STXBP5L: variants seen among roughly 807,000 people sequenced by gnomAD.
The protein encoded by STXBP5L is syntaxin binding protein 5L.
Under a neutral mutation model 144.5 loss-of-function variants are expected in STXBP5L, and 65 were observed. The ratio of observed to expected loss-of-function variants is 0.45; its 90% CI spans 0.37 to 0.55. The LOEUF (loss-of-function observed/expected upper bound fraction) is 0.55, where lower values mean the gene tolerates loss of function less well. STXBP5L is among the 20% of genes least tolerant of loss of function. The pLI, the probability that STXBP5L is intolerant of heterozygous loss-of-function variation, is 0.00. For missense variants in STXBP5L, 1,298 were observed against 1,405.5 expected, an observed-to-expected ratio of 0.92 and a Z score of 1.22; for synonymous variants, 505 against 469.6, an observed-to-expected ratio of 1.08 and a Z score of -0.97.
intron 13 of STXBP5L, 70 bp from the exon 14 acceptor site, chr3:121,240,370 A>G: frequency 7.2e-7 from 1 of 1,380,930 alleles, no homozygotes; most frequent in Non-Finnish European, 1.0e-6. Context: ...CATTATTTTA[A>G]GCTATTTTCA....
intron 5 of STXBP5L, among the ~76,000 whole-genome samples, chr3:121,090,893 G>C (rs1170030550): frequency 6.6e-6 from 1 of 151,062 alleles, no homozygotes. Flanking sequence ...GTGTCATCTA[G>C]CATTAGGTAT....
At chr3:121,091,772 T>G (rs1036945844) in intron 5 of STXBP5L, among the ~76,000 whole-genome samples, 11 of 152,206 alleles carry the variant, frequency 7.2e-5, no homozygotes, top group Non-Finnish European at 1.3e-4. Context: ...AGAAGCTCTT[T>G]AGTTTAATTA....
At chr3:121,125,520 C>T (rs945214138) in intron 7 of STXBP5L, among the ~76,000 whole-genome samples, 1 of 151,914 alleles carries the variant, frequency 6.6e-6, no homozygotes, top group African/African-American at 2.4e-5. Flanking sequence ...GGCCATCTTT[C>T]CCCCAATATA....
At chr3:121,199,685 T>G (rs1191293) in intron 9 of STXBP5L, among the ~76,000 whole-genome samples, 104,602 of 152,136 alleles carry the variant, frequency 0.69, 36,338 homozygotes, top group East Asian at 0.87. Flanking sequence ...AGAGTTTTTA[T>G]CATGAAAGGA....
At chr3:121,072,997 G>A (rs2041869909) in intron 5 of STXBP5L, among the ~76,000 whole-genome samples, 1 of 152,184 alleles carries the variant, frequency 6.6e-6, no homozygotes, top group South Asian at 2.1e-4. Context: ...AGCTCTTTGG[G>A]CCAAAGTTCC....
At chr3:121,086,775 T>A (rs2042515819) in intron 5 of STXBP5L, among the ~76,000 whole-genome samples, 1 of 152,090 alleles carries the variant, frequency 6.6e-6, no homozygotes, top group Non-Finnish European at 1.5e-5. Context: ...ACTCTGGATT[T>A]TGGGTTTTGG....
intron 19 of STXBP5L, among the ~76,000 whole-genome samples, chr3:121,299,729 G>A (rs2051810252): frequency 6.6e-6 from 1 of 152,028 alleles, no homozygotes. Flanking sequence ...GTTCATGCCT[G>A]TAATCCCAGC....
At chr3:121,071,474 T>C (rs1048822676) in intron 5 of STXBP5L, among the ~76,000 whole-genome samples, 2 of 152,216 alleles carry the variant, frequency 1.3e-5, no homozygotes, top group Non-Finnish European at 2.9e-5. Flanking sequence ...TTGGTTTCAC[T>C]GCAGGATCAG....
chr3:121,051,869 G>T (rs894428225), intron 5 of STXBP5L, among the ~76,000 whole-genome samples: 1 of 151,626 alleles, frequency 6.6e-6, no homozygotes, highest in Non-Finnish European at 1.5e-5. Context: ...AAAGAGAGAA[G>T]AATCAAATAG....
At chr3:121,353,931 C>A (rs1029955643) in intron 20 of STXBP5L, among the ~76,000 whole-genome samples, 1 of 152,124 alleles carries the variant, frequency 6.6e-6, no homozygotes, top group Admixed American at 6.6e-5. Flanking sequence ...GCCTTCAATT[C>A]GTTATTTACC....
intron 2 of STXBP5L, among the ~76,000 whole-genome samples, chr3:120,921,369 G>T (rs1467907997): frequency 6.6e-6 from 1 of 151,768 alleles, no homozygotes; most frequent in East Asian, 1.9e-4. Flanking sequence ...ATATATTCTG[G>T]TTCTTCACCC....
At position 120,988,567 on chromosome 3, in the gene STXBP5L, A is replaced by G. The variant is rs558391126; in HGVS notation, c.287+33530A>G. Among the ~76,000 whole-genome samples, 7 of 152,204 alleles carry G rather than the reference A, an allele frequency of 4.6e-5. No homozygotes were observed. The South Asian group carries it at 6.2e-4, about 14-fold the overall frequency. ...AATACTCTGTGAACTCTGGAGAAACATGTATGTTGTTCTTTTGTTGGATGA... is the reference window on the plus strand; with the variant it reads ...AATACTCTGTGAACTCTGGAGAAACGTGTATGTTGTTCTTTTGTTGGATGA... On this transcript the variant is annotated intron_variant, in intron 3 of 26. Coordinates refer to ENST00000471454, the MANE Select transcript of STXBP5L (RefSeq NM_001308330.2).
chr3:121,306,279 C>A (rs909721652), intron 19 of STXBP5L, among the ~76,000 whole-genome samples: 1 of 152,122 alleles, frequency 6.6e-6, no homozygotes, highest in African/African-American at 2.4e-5. Context: ...TTTCTCATCC[C>A]CTCCAACTCC....
chr3:121,081,439 G>A (rs868568169), intron 5 of STXBP5L, among the ~76,000 whole-genome samples: 1 of 151,894 alleles, frequency 6.6e-6, no homozygotes, highest in Non-Finnish European at 1.5e-5. Context: ...TTTGGTTCTT[G>A]GTGCTTTTAC....
intron 3 of STXBP5L, among the ~76,000 whole-genome samples, chr3:120,997,954 T>C (rs1320429187): frequency 6.6e-6 from 1 of 152,128 alleles, no homozygotes; most frequent in Admixed American, 6.6e-5. Flanking sequence ...TTTTGATTCA[T>C]CACATAAACA....
intron 5 of STXBP5L, among the ~76,000 whole-genome samples, chr3:121,096,525 T>G (rs776730250): frequency 6.6e-6 from 1 of 152,194 alleles, no homozygotes; most frequent in Non-Finnish European, 1.5e-5. Context: ...TTTGGTTACC[T>G]TCTGATGGGG....
intron 2 of STXBP5L, among the ~76,000 whole-genome samples, chr3:120,931,029 G>C (rs865860344): frequency 6.6e-6 from 1 of 151,784 alleles, no homozygotes; most frequent in Middle Eastern, 3.2e-3. Flanking sequence ...TATTTAAAAG[G>C]AAATACAGTT....
chr3:121,243,595 G>A (rs556743118), intron 14 of STXBP5L, among the ~76,000 whole-genome samples: 3 of 148,702 alleles, frequency 2.0e-5, no homozygotes, highest in African/African-American at 4.9e-5. Context: ...TACTTGCCCC[G>A]AGAATACTCA....
intron 11 of STXBP5L, 113 bp downstream of exon 11, chr3:121,223,270 G>A (rs2049028016): frequency 5.6e-6 from 6 of 1,074,662 alleles, no homozygotes; most frequent in Non-Finnish European, 6.5e-6. Context: ...AACGCTGTGA[G>A]CTACAAGTGC....
Sources: gnomAD v4.1 joint callset for allele counts (sites outside exome capture counted in the v4.1 genomes callset) on GRCh38, gnomAD v4.1.1 for gene constraint, MANE v1.5 for transcripts, NCBI Gene and HGNC (gene_info 2026-07-23, HGNC 2026-07-21) for gene names.